LRRK1: variants seen among roughly 807,000 people sequenced by gnomAD.
LRRK1 encodes the protein leucine rich repeat kinase 1.
LRRK1 carries 113 observed loss-of-function variants against 209.1 expected under a neutral mutation model. The observed-to-expected ratio is 0.54, with a 90% CI of 0.46 to 0.63. The LOEUF (loss-of-function observed/expected upper bound fraction) is 0.63, where lower values mean the gene tolerates loss of function less well. LRRK1 is among the 30% of genes least tolerant of loss of function. The pLI is 0.00. For missense variants in LRRK1, 2,284 were observed against 2,632.2 expected (o/e 0.87, Z 2.89); for synonymous variants, 1,144 against 1,099.7 (o/e 1.04, Z -0.80).
At chr15:100,967,307 G>C (rs969751860) in intron 2 of LRRK1, among the ~76,000 whole-genome samples, 4 of 152,170 alleles carry the variant, frequency 2.6e-5, no homozygotes, top group Non-Finnish European at 5.9e-5. Flanking sequence ...CTTTTCAAAA[G>C]CACACAGCCA....
intron 2 of LRRK1, among the ~76,000 whole-genome samples, chr15:100,956,455 C>CTTTTTCTTTTTTTTTTTTTTTTTT: frequency 1.7e-5 from 1 of 60,532 alleles, no homozygotes; most frequent in Non-Finnish European, 2.9e-5. Context: ...TTTTTTTTTT[C>CTTTTTCTTTTTTTTTTTTTTTTTT]TTTTTTTTTT....
chr15:100,986,110 G>C (rs1201533968), intron 4 of LRRK1, among the ~76,000 whole-genome samples: 1 of 152,220 alleles, frequency 6.6e-6, no homozygotes, highest in East Asian at 1.9e-4. Flanking sequence ...GGAGGGTGAA[G>C]TGGGAGAATG....
chr15:100,993,797 T>C (rs73486956), intron 6 of LRRK1, among the ~76,000 whole-genome samples: 8,399 of 152,260 alleles, frequency 0.055, 560 homozygotes, highest in African/African-American at 0.16. Flanking sequence ...TTCCATCTCT[T>C]TAATTTATAT....
intron 27 of LRRK1, among the ~76,000 whole-genome samples, chr15:101,056,563 T>C (rs1179193551): frequency 1.3e-5 from 2 of 151,866 alleles, no homozygotes; most frequent in Admixed American, 6.6e-5. Flanking sequence ...GATGGATAGA[T>C]GGATGGACAG....
intron 2 of LRRK1, among the ~76,000 whole-genome samples, chr15:100,936,165 A>G (rs1201106698): frequency 6.6e-6 from 1 of 152,246 alleles, no homozygotes; most frequent in African/African-American, 2.4e-5. Flanking sequence ...CCCATCACTC[A>G]GATTTAACCA....
At chr15:101,030,722 C>T (rs2141106472) in intron 20 of LRRK1, among the ~76,000 whole-genome samples, 1 of 152,322 alleles carries the variant, frequency 6.6e-6, no homozygotes, top group South Asian at 2.1e-4. Flanking sequence ...CCCTTTCCTC[C>T]TTGTGACACC....
At chr15:101,032,974 G>A (rs1336255786) in intron 20 of LRRK1, among the ~76,000 whole-genome samples, 1 of 152,154 alleles carries the variant, frequency 6.6e-6, no homozygotes, top group Non-Finnish European at 1.5e-5. Flanking sequence ...CATGAATGTG[G>A]CATCTTAAAA....
intron 2 of LRRK1, among the ~76,000 whole-genome samples, chr15:100,937,258 A>G (rs1227710060): frequency 2.0e-5 from 3 of 152,296 alleles, no homozygotes; most frequent in African/African-American, 7.2e-5. Flanking sequence ...ATATACTTAC[A>G]CACAATTTAA....
At position 101,029,176 on chromosome 15, in the gene LRRK1, G is replaced by A. The variant is rs755353887; in HGVS notation, c.2907G>A (p.Glu969=). Residue 969 remains glutamate, a synonymous_variant, in exon 20 of 34, where the codon GAG becomes GAA. Coordinates refer to ENST00000388948, the MANE Select transcript of LRRK1 (RefSeq NM_024652.6). The part of the protein sequence containing the change: ...VGTGFTQQTE[E]QYFQFLAKFE... ...CTGGCTTCACGCAGCAGACGGAAGA[G>A]CAGTACTTCCAGTTCCTGGCCAAGT... 1.9e-6 allele frequency: 3 copies of A among 1,614,100 alleles called. No individual in the cohort carries two copies. The highest frequency in any genetic ancestry group is 2.7e-5 in the African/African-American group (2 of 75,056).
intron 2 of LRRK1, among the ~76,000 whole-genome samples, chr15:100,942,714 A>C (rs2042464654): frequency 6.6e-6 from 1 of 152,198 alleles, no homozygotes; most frequent in Non-Finnish European, 1.5e-5. Flanking sequence ...CCAAATTACA[A>C]AACCTGTATG....
chr15:101,061,336 G>A (rs1251561366), intron 30 of LRRK1, 48 bp downstream of exon 30: 1 of 1,349,714 alleles, frequency 7.4e-7, no homozygotes, highest in South Asian at 1.2e-5. Context: ...ACTGCCCACT[G>A]GGTGCAGCCC....
Position 100,956,455 on chromosome 15 carries a change from C to CTTTTTCTTTTCTTTTT in LRRK1, c.98-17344_98-17343insCTTTTCTTTTTTTTTT. 4.2e-3 allele frequency among the ~76,000 whole-genome samples: 253 copies of CTTTTTCTTTTCTTTTT among 60,470 alleles called. 7 individuals are homozygous for CTTTTTCTTTTCTTTTT. Among genetic ancestry groups the CTTTTTCTTTTCTTTTT allele is most frequent in the Non-Finnish European group, 5.6e-3 (194 of 34,748 alleles). The allele number at this position is 60,470 out of a possible 152,430, so 39.7% of individuals were successfully genotyped here. The stretch of plus-strand genomic sequence containing the variant: ...TTCGCTTTTCTTTCCTTTTTTTTTT[C>CTTTTTCTTTTCTTTTT]TTTTTTTTTTTTTTTTTTGAGACAG... On this transcript the variant is annotated intron_variant, in intron 2 of 33. Coordinates refer to ENST00000388948, the MANE Select transcript of LRRK1 (RefSeq NM_024652.6).
In LRRK1 at chr15:100,943,730, T is replaced by A. The variant is rs184909301; in HGVS notation, c.97+19001T>A. ...TTTTTTTTTGTCACTCAGGCAGGAG[T>A]GCGATGGTGTGATCTCGGCTCACTG... On this transcript the variant is annotated intron_variant, in intron 2 of 33. Transcript: ENST00000388948. Among the ~76,000 whole-genome samples the A allele has an allele frequency of 1.1e-3, 157 of 148,664 alleles. 3 individuals carry two copies. Among genetic ancestry groups the A allele is most frequent in the African/African-American group, 3.8e-3 (154 of 40,120 alleles).
chr15:100,937,595 C>T (rs557800931), intron 2 of LRRK1, among the ~76,000 whole-genome samples: 202 of 151,918 alleles, frequency 1.3e-3, no homozygotes, highest in Non-Finnish European at 2.2e-3. Flanking sequence ...AGTGCAGTGG[C>T]GCGATCTCAG....
chr15:100,945,740 G>A (rs911421674), intron 2 of LRRK1, among the ~76,000 whole-genome samples: 10 of 152,028 alleles, frequency 6.6e-5, no homozygotes, highest in Non-Finnish European at 1.3e-4. Context: ...TGATCCACCT[G>A]CCTCGGCTTC....
chr15:101,025,118 T>A, intron 16 of LRRK1, 151 bp downstream of exon 16: 1 of 690,302 alleles, frequency 1.4e-6, no homozygotes, highest in Non-Finnish European at 2.2e-6. Context: ...CTTTTCACAG[T>A]GAGGCACTTG....
intron 2 of LRRK1, among the ~76,000 whole-genome samples, chr15:100,969,156 G>T (rs1308306215): frequency 1.3e-5 from 2 of 152,132 alleles, no homozygotes; most frequent in African/African-American, 4.8e-5. Context: ...TTTTCAATTG[G>T]ATTGTTTGTC....
In LRRK1 at chr15:101,056,885, C is replaced by T; in HGVS notation, c.4362C>T (p.Leu1454=). The stretch of plus-strand genomic sequence containing the variant: ...ATATGTTCTCCTATGGAATGGTGCT[C>T]TACGAGTTGCTGTCAGGACAGCGCC... ...KVDMFSYGMV[L]YELLSGQRPA... Residue 1454 remains leucine, a synonymous_variant, in exon 28 of 34, where the codon CTC becomes CTT. Coordinates refer to ENST00000388948, the MANE Select transcript of LRRK1 (RefSeq NM_024652.6). 1.2e-6 allele frequency: 2 copies of T among 1,612,884 alleles called. No homozygotes were observed. Among genetic ancestry groups the T allele is most frequent in the Non-Finnish European group, 1.7e-6 (2 of 1,179,478 alleles).
At position 101,026,044 on chromosome 15, in the gene LRRK1, T is replaced by C. The variant is rs201803929; in HGVS notation, c.2312T>C (p.Ile771Thr). The C allele has an allele frequency of 4.3e-5, 69 of 1,614,116 alleles. No individual in the cohort carries two copies. The highest frequency in any genetic ancestry group is 5.6e-5 in the Non-Finnish European group (66 of 1,180,040). Reference protein sequence around the residue: ...LIEAKFRVERIATLRAYVLAL... With the variant: ...LIEAKFRVERTATLRAYVLAL... ...GAAGCCAAGTTCCGTGTGGAAAGGA[T>C]TGCAACGCTGCGTGCCTATGTGCTG... The change falls in exon 17 of 34, where the codon ATT (isoleucine) becomes ACT (threonine). Residue 771 changes from isoleucine to threonine, a missense_variant. Around this residue, in one of 6 missense-constraint regions of LRRK1, gnomAD observed 780 missense variants for 985.2 expected, o/e 0.79. Coordinates refer to ENST00000388948, the MANE Select transcript of LRRK1 (RefSeq NM_024652.6).
Sources: gnomAD v4.1 joint callset for allele counts (sites outside exome capture counted in the v4.1 genomes callset) on GRCh38, gnomAD v4.1.1 for gene constraint, gnomAD v4.1.1 regional missense constraint, MANE v1.5 for transcripts, NCBI Gene and HGNC (gene_info 2026-07-23, HGNC 2026-07-21) for gene names.